The following GALNTL6 variants were observed in gnomAD, a reference collection of about 807,000 sequenced individuals.
GALNTL6 encodes the protein polypeptide N-acetylgalactosaminyltransferase-like 6.
In GALNTL6, 46 loss-of-function variants were observed where a neutral mutation model predicts 73.7. That is an observed-to-expected ratio of 0.62 (90% CI 0.49 to 0.80). The LOEUF is 0.80. GALNTL6 is among the 30% of genes least tolerant of loss of function. GALNTL6 has a pLI of 0.00. For synonymous variants in GALNTL6, 259 were observed against 263.7 expected (o/e 0.98, Z 0.17); for missense variants, 604 against 755.0 (o/e 0.80, Z 2.34).
chr4:172,658,660 G>A (rs542305054), intron 5 of GALNTL6, among the ~76,000 whole-genome samples: 1 of 152,038 alleles, frequency 6.6e-6, no homozygotes, highest in African/African-American at 2.4e-5. Context: ...CACTGCTTGT[G>A]GGTGTTGAAT....
chr4:172,251,280 C>T (rs1370191765), intron 3 of GALNTL6, among the ~76,000 whole-genome samples: 1 of 152,036 alleles, frequency 6.6e-6, no homozygotes, highest in East Asian at 1.9e-4. Flanking sequence ...TAAATAAAGC[C>T]CACCCACATT....
chr4:172,502,573 C>G (rs991570220), intron 5 of GALNTL6, among the ~76,000 whole-genome samples: 1 of 152,136 alleles, frequency 6.6e-6, no homozygotes, highest in African/African-American at 2.4e-5. Context: ...AACAAACTCT[C>G]TACCCCAAAG....
intron 5 of GALNTL6, among the ~76,000 whole-genome samples, chr4:172,497,446 T>C (rs1293146203): frequency 6.6e-6 from 1 of 152,232 alleles, no homozygotes; most frequent in Non-Finnish European, 1.5e-5. Flanking sequence ...CTGTGGGAAC[T>C]GATTGAATGT....
intron 2 of GALNTL6, among the ~76,000 whole-genome samples, chr4:172,173,513 G>A (rs1734900072): frequency 6.6e-6 from 1 of 152,174 alleles, no homozygotes; most frequent in African/African-American, 2.4e-5. Flanking sequence ...CCTTCTGCGT[G>A]GGCCAACCTC....
chr4:171,946,562 G>A (rs1738707895), intron 2 of GALNTL6, among the ~76,000 whole-genome samples: 1 of 152,162 alleles, frequency 6.6e-6, no homozygotes, highest in African/African-American at 2.4e-5. Context: ...GCCTCATCGA[G>A]CTCGTCTTCT....
intron 5 of GALNTL6, among the ~76,000 whole-genome samples, chr4:172,788,939 T>C (rs1739837475): frequency 6.6e-6 from 1 of 152,172 alleles, no homozygotes; most frequent in South Asian, 2.1e-4. Flanking sequence ...GTATCTAAGA[T>C]ACACTGTATT....
At chr4:172,567,574 G>A (rs986192926) in intron 5 of GALNTL6, among the ~76,000 whole-genome samples, 1 of 152,126 alleles carries the variant, frequency 6.6e-6, no homozygotes, top group Admixed American at 6.5e-5. Context: ...GGTAGCTCAC[G>A]CCTGTAATCC....
intron 5 of GALNTL6, among the ~76,000 whole-genome samples, chr4:172,735,282 C>T (rs62330819): frequency 0.15 from 23,256 of 152,134 alleles, 2,064 homozygotes; most frequent in East Asian, 0.26. Context: ...CTTGCAGCAG[C>T]GTGACCTGGA....
At chr4:172,819,972 A>C (rs1488370484) in intron 7 of GALNTL6, among the ~76,000 whole-genome samples, 1 of 152,240 alleles carries the variant, frequency 6.6e-6, no homozygotes, top group African/African-American at 2.4e-5. Flanking sequence ...CAAAGCCAAA[A>C]CATCACTGAC....
chr4:171,955,711 A>G (rs1455386604), intron 2 of GALNTL6, among the ~76,000 whole-genome samples: 1 of 152,066 alleles, frequency 6.6e-6, no homozygotes, highest in Non-Finnish European at 1.5e-5. Flanking sequence ...TATCAATAAT[A>G]GGTTGAATCT....
At chr4:171,841,039 C>G (rs749176146) in intron 2 of GALNTL6, among the ~76,000 whole-genome samples, 3 of 152,154 alleles carry the variant, frequency 2.0e-5, no homozygotes, top group Non-Finnish European at 2.9e-5. Flanking sequence ...GTTTCTAGAA[C>G]CTCCGGTACT....
At chr4:172,231,967 C>A (rs953853334) in intron 3 of GALNTL6, among the ~76,000 whole-genome samples, 1 of 152,060 alleles carries the variant, frequency 6.6e-6, no homozygotes, top group Non-Finnish European at 1.5e-5. Flanking sequence ...TTTTTAAGTA[C>A]AAATTCTTTG....
intron 2 of GALNTL6, among the ~76,000 whole-genome samples, chr4:171,963,068 CT>C (rs35330466): frequency 0.51 from 72,825 of 143,350 alleles, 19,608 homozygotes; most frequent in Admixed American, 0.63. Context: ...GCCCAACCTA[CT>C]TTTTTTTTTT....
At chr4:173,010,584 TG>T (rs1287457440) in intron 11 of GALNTL6, among the ~76,000 whole-genome samples, 2 of 151,006 alleles carry the variant, frequency 1.3e-5, no homozygotes, top group African/African-American at 4.9e-5. Flanking sequence ...TTTTTTTTGT[TG>T]TTTTTTTTGT....
At chr4:172,492,317 A>T (rs566453545) in intron 5 of GALNTL6, among the ~76,000 whole-genome samples, 1 of 152,248 alleles carries the variant, frequency 6.6e-6, no homozygotes, top group Non-Finnish European at 1.5e-5. Flanking sequence ...GAAGGAAAAA[A>T]ATTGAAAATG....
At chr4:172,568,677 G>T (rs933329552) in intron 5 of GALNTL6, among the ~76,000 whole-genome samples, 19 of 137,668 alleles carry the variant, frequency 1.4e-4, no homozygotes, top group African/African-American at 5.1e-4. Flanking sequence ...AGAATGGCGT[G>T]AACCCGGGAG....
At chr4:172,459,501 G>A (rs1732532236) in intron 5 of GALNTL6, among the ~76,000 whole-genome samples, 2 of 152,190 alleles carry the variant, frequency 1.3e-5, no homozygotes, top group African/African-American at 4.8e-5. Flanking sequence ...AAGCTGATAA[G>A]CAACTTCAGC....
chr4:172,390,748 C>T (rs949272620), intron 5 of GALNTL6, among the ~76,000 whole-genome samples: 2 of 151,838 alleles, frequency 1.3e-5, no homozygotes, highest in African/African-American at 2.4e-5. Context: ...ACGTAAAATG[C>T]GATATTTTGT....
At chr4:172,175,049 G>T (rs1362261898) in intron 2 of GALNTL6, among the ~76,000 whole-genome samples, 1 of 151,744 alleles carries the variant, frequency 6.6e-6, no homozygotes, top group Non-Finnish European at 1.5e-5. Context: ...GCATTGATGT[G>T]CAAAGTAATA....
Sources: gnomAD v4.1 joint callset for allele counts (sites outside exome capture counted in the v4.1 genomes callset) on GRCh38, gnomAD v4.1.1 for gene constraint, MANE v1.5 for transcripts, NCBI Gene and HGNC (gene_info 2026-07-23, HGNC 2026-07-21) for gene names.